Variants in MRC2 observed in about 807,000 individuals in gnomAD.
The protein encoded by MRC2 is mannose receptor C-type 2, also known as C-type mannose receptor 2.
In MRC2, 84 loss-of-function variants were observed where a neutral mutation model predicts 206.2. That is an observed-to-expected ratio of 0.41 (90% CI 0.34 to 0.49). The LOEUF (loss-of-function observed/expected upper bound fraction) is 0.49. Among genes scored for constraint, MRC2 ranks in the 20% least tolerant of loss-of-function variants. The pLI is 0.31. For synonymous variants in MRC2, 798 were observed against 800.0 expected, an observed-to-expected ratio of 1.00 and a Z score of 0.04; for missense variants, 1,676 against 2,001.5, an observed-to-expected ratio of 0.84 and a Z score of 3.10.
intron 13 of MRC2, 137 bp from the exon 14 acceptor site, chr17:62,679,663 A>G: frequency 1.5e-6 from 1 of 688,348 alleles, no homozygotes; most frequent in Non-Finnish European, 2.5e-6. Flanking sequence ...TCGATGGGTC[A>G]ATGTGAAGCC....
At position 62,666,327 on chromosome 17, in the gene MRC2, AG is replaced by A; in HGVS notation, c.694+64del. ...TGTTCCTGGAGGGAGGCTGGTGCTG[AG>A]GGGCCCCGGGGCCCAGGGTGAGATA... On this transcript the variant is annotated intron_variant, in intron 3 of 29. Transcript: ENST00000303375. The surrounding 1 kb of genome is among the most constrained non-coding windows in gnomAD (Gnocchi z 5.0). The A allele has an allele frequency of 6.4e-7, 1 of 1,555,052 alleles. No individual in the cohort carries two copies. Among genetic ancestry groups the A allele is most frequent in the Non-Finnish European group, 8.7e-7 (1 of 1,154,222 alleles).
rs972295772 is a variant in MRC2, at chr17:62,680,551, G to A, written c.2473+98G>A. 86 of 1,523,406 alleles carry A rather than the reference G, an allele frequency of 5.6e-5. No individual in the cohort carries two copies. The highest frequency in any genetic ancestry group is 7.5e-5 in the Non-Finnish European group (83 of 1,107,688). 94.4% of individuals were successfully genotyped at this position (1,523,406 alleles called of 1,614,324 possible). A position where few individuals can be genotyped will look rare whatever the true frequency, so the allele number is the denominator to read the frequency against. ...GGCCTGAATGAAATGGAGGGGATGA[G>A]GAGTTCCGGTCGAGAGAAGGGGGAC... is the stretch of plus-strand genomic sequence containing the variant. On this transcript the variant is annotated intron_variant, in intron 16 of 29. Transcript: ENST00000303375. The surrounding 1 kb of genome is among the most constrained non-coding windows in gnomAD (Gnocchi z 4.8).
chr17:62,664,948 C>A lies in MRC2; in HGVS notation c.519C>A (p.His173Gln), dbSNP rs140481613. Residue 173 changes from histidine to glutamine, a missense_variant and splice_region_variant, in exon 2 of 30, where the codon CAC (histidine) becomes CAA (glutamine). By Grantham distance (24) the His-to-Gln change is conservative. This residue lies in a region of MRC2 where 318 missense variants were observed against 346.7 expected (regional missense o/e 0.92). Coordinates refer to ENST00000303375, the MANE Select transcript of MRC2 (RefSeq NM_006039.5). The surrounding 1 kb of genome is among the most constrained non-coding windows in gnomAD (Gnocchi z 4.7). The part of the protein sequence containing the change: ...SEEDLCALPY[H>Q]EVYTIQGNSH... ...AGGACCTATGTGCTCTGCCCTACCA[C>A]GGTGAGGGGCCGCTTGCAGGCGGGA... The A allele has an allele frequency of 9.4e-6, 15 of 1,597,950 alleles. No individual in the cohort carries two copies. In the Admixed American group the frequency reaches 2.5e-4, roughly 27 times the overall value.
Position 62,680,531 on chromosome 17 carries a change from G to A in MRC2, c.2473+78G>A. The A allele has an allele frequency of 6.4e-7, 1 of 1,570,922 alleles. No individual in the cohort carries two copies. The highest frequency in any genetic ancestry group is 8.7e-7 in the Non-Finnish European group (1 of 1,145,386). ...CTCTGGGGTAAGTCCCGAGAGGCCT[G>A]AATGAAATGGAGGGGATGAGGAGTT... On this transcript the variant is annotated intron_variant, in intron 16 of 29. Coordinates refer to ENST00000303375, the MANE Select transcript of MRC2 (RefSeq NM_006039.5). The surrounding 1 kb of genome is among the most constrained non-coding windows in gnomAD (Gnocchi z 4.8).
At position 62,671,907 on chromosome 17, in the gene MRC2, G is replaced by T; in HGVS notation, c.1306+70G>T. 1 of 1,600,658 alleles carries T rather than the reference G, an allele frequency of 6.2e-7. No individual in the cohort carries two copies. Among genetic ancestry groups the T allele is most frequent in the Non-Finnish European group, 8.5e-7 (1 of 1,171,456 alleles). On this transcript the variant is annotated intron_variant, in intron 7 of 29. Transcript: ENST00000303375. The surrounding 1 kb of genome is among the most constrained non-coding windows in gnomAD (Gnocchi z 4.5). Reference sequence around the variant, plus strand: ...CCCACTGCCCCACCCATCCTGTCCAGGAGCCTCAGAGAATGTTCCTTCCTC... The same window carrying T: ...CCCACTGCCCCACCCATCCTGTCCATGAGCCTCAGAGAATGTTCCTTCCTC...
intron 1 of MRC2, among the ~76,000 whole-genome samples, chr17:62,633,840 C>CAAAAAAAAAA (rs571793821): frequency 2.7e-4 from 9 of 33,918 alleles, no homozygotes; most frequent in Admixed American, 1.3e-3. Context: ...GACCCTGTCT[C>CAAAAAAAAAA]AAAAAAAAAA....
Position 62,681,138 on chromosome 17 carries a change from C to A in MRC2, c.2702+9C>A. Reference sequence around the variant, plus strand: ...AGCGATGGGCGCTTCAGGTAGGAACCCAGGCAGGCAGCAGATGTGGAAGGG... The same window carrying A: ...AGCGATGGGCGCTTCAGGTAGGAACACAGGCAGGCAGCAGATGTGGAAGGG... On this transcript the variant is annotated intron_variant, in intron 18 of 29. Transcript: ENST00000303375. 6.2e-7 allele frequency: 1 copy of A among 1,613,110 alleles called. No homozygotes were observed. Among genetic ancestry groups the A allele is most frequent in the Non-Finnish European group, 8.5e-7 (1 of 1,179,762 alleles).
chr17:62,666,558 C>T lies in MRC2; in HGVS notation c.798C>T (p.Cys266=), dbSNP rs1453589567. 7.4e-6 allele frequency: 12 copies of T among 1,612,274 alleles called. No individual in the cohort carries two copies. Among genetic ancestry groups the T allele is most frequent in the South Asian group, 1.1e-5 (1 of 90,796 alleles). ...CGTGGAGGGAGGCCTGGGCCAGCTG[C>T]GAGCAGCAGGGTGCGGATCTGCTGA... ...TLSWREAWAS[C]EQQGADLLSI... is the part of the protein sequence containing the mutation. Residue 266 remains cysteine, a synonymous_variant, in exon 4 of 30, where the codon TGC becomes TGT. Coordinates refer to ENST00000303375, the MANE Select transcript of MRC2 (RefSeq NM_006039.5). This position sits in a 1 kb window ranked among gnomAD's most constrained non-coding sequence, Gnocchi z 5.0.
rs2147477163 is a variant in MRC2 at position 62,676,371 on chromosome 17, T to C, written c.1686-12T>C. On this transcript the variant is annotated splice_polypyrimidine_tract_variant and intron_variant, in intron 10 of 29. Transcript: ENST00000303375. ...AGGGAGATCCCTGCCCTGACCAGCC[T>C]GTCTCCTGAAGGTTCGAGCAGGCCT... The C allele has an allele frequency of 6.2e-7, 1 of 1,613,608 alleles. No individual in the cohort carries two copies. Among genetic ancestry groups the C allele is most frequent in the East Asian group, 2.2e-5 (1 of 44,846 alleles).
intron 20 of MRC2, among the ~76,000 whole-genome samples, chr17:62,685,674 G>A (rs1005399366): frequency 6.6e-6 from 1 of 152,074 alleles, no homozygotes; most frequent in African/African-American, 2.4e-5. Flanking sequence ...TGAGTAGCTG[G>A]CACTACAGGC....
intron 1 of MRC2, among the ~76,000 whole-genome samples, chr17:62,646,943 T>A (rs1187202665): frequency 6.6e-6 from 1 of 152,206 alleles, no homozygotes; most frequent in Non-Finnish European, 1.5e-5. Flanking sequence ...ACAGTTGTTC[T>A]GGAACCCTGA....
At chr17:62,688,102 T>C (rs2089054484) in intron 20 of MRC2, among the ~76,000 whole-genome samples, 187 bp from the exon 21 acceptor site, 1 of 152,180 alleles carries the variant, frequency 6.6e-6, no homozygotes, top group South Asian at 2.1e-4. Flanking sequence ...TGTGTGAATC[T>C]GCAGTGCCAA....
intron 1 of MRC2, among the ~76,000 whole-genome samples, chr17:62,653,839 T>C (rs1598975805): frequency 6.6e-6 from 1 of 151,640 alleles, no homozygotes; most frequent in Non-Finnish European, 1.5e-5. Context: ...TTGGGCGGGG[T>C]ATTGGGCTTC....
intron 1 of MRC2, among the ~76,000 whole-genome samples, chr17:62,636,934 C>T (rs552226064): frequency 6.6e-6 from 1 of 152,052 alleles, no homozygotes; most frequent in African/African-American, 2.4e-5. Flanking sequence ...AACTCTCTTC[C>T]CCCGGCCTTT....
Position 62,688,414 on chromosome 17 carries a change from C to G in MRC2, c.3061+11C>G, listed in dbSNP as rs1328037855. The G allele has an allele frequency of 1.2e-6, 2 of 1,613,950 alleles. No homozygotes were observed. Among genetic ancestry groups the G allele is most frequent in the Non-Finnish European group, 1.7e-6 (2 of 1,179,918 alleles). On this transcript the variant is annotated intron_variant, in intron 21 of 29. Coordinates refer to ENST00000303375, the MANE Select transcript of MRC2 (RefSeq NM_006039.5). The stretch of plus-strand genomic sequence containing the variant: ...ACCCCTTAGAGCAAGGTAGGGCCAG[C>G]CTATGGGGAGCCCCCAGTATCCTCT...
rs763397648 is a variant in MRC2, at chr17:62,680,229, G to C, written c.2358G>C (p.Ala786=). 6.2e-7 allele frequency: 1 copy of C among 1,614,114 alleles called. No homozygotes were observed. Among genetic ancestry groups the C allele is most frequent in the African/African-American group, 1.3e-5 (1 of 75,046 alleles). Residue 786 remains alanine (A), a synonymous_variant, in exon 15 of 30, where the codon GCG becomes GCC. Coordinates refer to ENST00000303375, the MANE Select transcript of MRC2 (RefSeq NM_006039.5). The surrounding 1 kb of genome is among the most constrained non-coding windows in gnomAD (Gnocchi z 4.8). Reference sequence around the variant, plus strand: ...ACGACGACGACATCCGAGGCTGTGCGGTGCTGGACCTGGCCTCCCTGCAGT... The same window carrying C: ...ACGACGACGACATCCGAGGCTGTGCCGTGCTGGACCTGGCCTCCCTGCAGT... ...RHDDDDIRGC[A]VLDLASLQWV... is the part of the protein sequence containing the mutation.
intron 1 of MRC2, among the ~76,000 whole-genome samples, chr17:62,637,535 C>CAAAAAA: frequency 7.3e-6 from 1 of 136,644 alleles, no homozygotes; most frequent in Non-Finnish European, 1.6e-5. Flanking sequence ...GACTGTGTCT[C>CAAAAAA]AAAAAAAAAA....
At position 62,667,771 on chromosome 17, in the gene MRC2, C is replaced by T. The variant is rs528836383; in HGVS notation, c.1117+238C>T. Among the ~76,000 whole-genome samples the T allele has an allele frequency of 6.6e-6, 1 of 152,334 alleles. No individual in the cohort carries two copies. The highest frequency in any genetic ancestry group is 1.5e-5 in the Non-Finnish European group (1 of 68,034). Reference sequence around the variant, plus strand: ...TAAATGCTGGCAATACCCACTGTTACCTCGTAGAGACCACAGTCTGCTGGA... The same window carrying T: ...TAAATGCTGGCAATACCCACTGTTATCTCGTAGAGACCACAGTCTGCTGGA... On this transcript the variant is annotated intron_variant, in intron 6 of 29. Transcript: ENST00000303375. This position sits in a 1 kb window ranked among gnomAD's most constrained non-coding sequence, Gnocchi z 4.1.
In MRC2 at chr17:62,692,045, T is replaced by C. The variant is rs35688424; in HGVS notation, c.4193-67T>C. 0.4 allele frequency: 635,633 copies of C among 1,607,256 alleles called. 130,688 individuals are homozygous for C. The highest frequency in any genetic ancestry group is 0.42 in the Non-Finnish European group (493,547 of 1,174,288). ...CCGGCCCAGGCCTGTGTGCTTTGTATGTTTACTTAAGTGATTATTACGATG... is the reference window on the plus strand; with the variant it reads ...CCGGCCCAGGCCTGTGTGCTTTGTACGTTTACTTAAGTGATTATTACGATG... On this transcript the variant is annotated intron_variant, in intron 28 of 29. Transcript: ENST00000303375. This position sits in a 1 kb window ranked among gnomAD's most constrained non-coding sequence, Gnocchi z 4.2.
Sources: allele counts gnomAD v4.1 joint callset (sites outside exome capture counted in the v4.1 genomes callset), GRCh38; gene constraint gnomAD v4.1.1; regional missense constraint gnomAD v4.1.1; non-coding constraint Gnocchi (gnomAD v3.1); transcripts MANE v1.5; gene names NCBI Gene and HGNC (gene_info 2026-07-23, HGNC 2026-07-21).